Variants in KHDC4 observed in about 807,000 individuals in gnomAD.
KHDC4 encodes the protein KH domain containing 4, pre-mRNA splicing factor, also known as KH homology domain-containing protein 4.
KHDC4 carries 19 observed loss-of-function variants against 74.5 expected under a neutral mutation model. The observed-to-expected ratio is 0.26, with a 90% CI of 0.18 to 0.37. The LOEUF is 0.37. Among genes scored for constraint, KHDC4 ranks in the 10% least tolerant of loss-of-function variants. KHDC4 has a pLI of 1.00. For missense variants in KHDC4, 632 were observed against 754.1 expected (o/e 0.84, Z 1.90); for synonymous variants, 253 against 266.1 (o/e 0.95, Z 0.48).
chr1:155,934,088 C>G (rs1674201134), intron 1 of KHDC4, among the ~76,000 whole-genome samples: 1 of 152,110 alleles, frequency 6.6e-6, no homozygotes. Flanking sequence ...AGACTCCACT[C>G]TATCCTACAC....
In KHDC4 at chr1:155,927,160, T is replaced by C; in HGVS notation, c.465-4A>G. 1.2e-6 allele frequency: 2 copies of C among 1,612,760 alleles called. No homozygotes were observed. The highest frequency in any genetic ancestry group is 1.7e-6 in the Non-Finnish European group (2 of 1,178,946). ...ATGAAGATATAATGGACGATCCCTA[T>C]AAAGAGAAACAAAAAAGGATGATCT... is the stretch of plus-strand genomic sequence containing the variant. On this transcript the variant is annotated splice_polypyrimidine_tract_variant and splice_region_variant and intron_variant, in intron 4 of 13. Transcript: ENST00000368321.
chr1:155,926,576 C>T, intron 6 of KHDC4, 100 bp downstream of exon 6: 1 of 1,392,502 alleles, frequency 7.2e-7, no homozygotes, highest in Middle Eastern at 2.3e-4. Context: ...CTTGGCCTCC[C>T]AAAGTGCTGG....
chr1:155,917,449 T>C, intron 11 of KHDC4, 50 bp downstream of exon 11: 1 of 1,375,424 alleles, frequency 7.3e-7, no homozygotes, highest in South Asian at 1.2e-5. Context: ...AAAGGGAGAA[T>C]ATAGTAGAAG....
Position 155,914,034 on chromosome 1 carries a change from G to T in KHDC4, c.*87C>A. 2 of 1,184,960 alleles carry T rather than the reference G, an allele frequency of 1.7e-6. No individual in the cohort carries two copies. Among genetic ancestry groups the T allele is most frequent in the Non-Finnish European group, 2.5e-6 (2 of 797,248 alleles). The allele number at this position is 1,184,960 out of a possible 1,614,324, so 73.4% of individuals were successfully genotyped here. Reference sequence around the variant, plus strand: ...TCTGCAAAGGTCCAGATGGTTCCCAGCACAGGCCCCAGAGTCTTGTTAAAT... The same window carrying T: ...TCTGCAAAGGTCCAGATGGTTCCCATCACAGGCCCCAGAGTCTTGTTAAAT... On this transcript the variant is annotated 3_prime_UTR_variant, in exon 14 of 14. Coordinates refer to ENST00000368321, the MANE Select transcript of KHDC4 (RefSeq NM_014949.4).
Position 155,914,094 on chromosome 1 carries a change from A to C in KHDC4, c.*27T>G, listed in dbSNP as rs757742850. 2.5e-6 allele frequency: 4 copies of C among 1,581,216 alleles called. No individual in the cohort carries two copies. The East Asian group carries it at 8.9e-5, about 35-fold the overall frequency. ...GCATTATTGCTAAGAAGAGTCACTG[A>C]GGGTCAAAACTCTGTTCCACTGTTT... is the stretch of plus-strand genomic sequence containing the variant. On this transcript the variant is annotated 3_prime_UTR_variant, in exon 14 of 14. Coordinates refer to ENST00000368321, the MANE Select transcript of KHDC4 (RefSeq NM_014949.4).
chr1:155,927,001 A>G (rs2102605621), intron 5 of KHDC4, 103 bp downstream of exon 5: 1 of 1,334,692 alleles, frequency 7.5e-7, no homozygotes, highest in South Asian at 1.2e-5. Context: ...GTTCATGAAC[A>G]AGGGTTAGAA....
chr1:155,934,237 A>C, intron 1 of KHDC4, 99 bp downstream of exon 1: 1 of 1,280,714 alleles, frequency 7.8e-7, no homozygotes, highest in Non-Finnish European at 1.1e-6. Context: ...TTTACTTCCC[A>C]CTTAAGGACC....
At chr1:155,927,925 T>C (rs572609) in intron 4 of KHDC4, among the ~76,000 whole-genome samples, 121,277 of 149,134 alleles carry the variant, frequency 0.81, 51,334 homozygotes, top group East Asian at 0.94. Flanking sequence ...TCTTAAGGTC[T>C]ACATCAACTG....
At chr1:155,932,548 C>T (rs1466073812) in intron 2 of KHDC4, 1 of 152,084 alleles carries the variant, frequency 6.6e-6, no homozygotes, top group Non-Finnish European at 1.5e-5. Context: ...AAAAAAAGAG[C>T]TTAAACGATT....
chr1:155,922,769 C>T (rs1673894595), intron 8 of KHDC4, among the ~76,000 whole-genome samples: 3 of 151,988 alleles, frequency 2.0e-5, no homozygotes, highest in East Asian at 1.9e-4. Context: ...GAAAATTATC[C>T]GGTACAAGGG....
chr1:155,916,806 TA>T, intron 11 of KHDC4, 69 bp from the exon 12 acceptor site: 1 of 1,014,212 alleles, frequency 9.9e-7, no homozygotes, highest in South Asian at 1.4e-5. Context: ...CTCCTTAATG[TA>T]ACTGTCAAGT....
intron 4 of KHDC4, among the ~76,000 whole-genome samples, chr1:155,927,839 CA>C (rs1674048116): frequency 3.5e-4 from 4 of 11,516 alleles, no homozygotes; most frequent in African/African-American, 7.2e-4. Flanking sequence ...AAACCACACA[CA>C]CACACACACA....
chr1:155,927,238 T>C, intron 4 of KHDC4, 82 bp from the exon 5 acceptor site: 1 of 1,084,182 alleles, frequency 9.2e-7, no homozygotes, highest in Non-Finnish European at 1.4e-6. Flanking sequence ...ATCTAATTTG[T>C]AATGTTTCAA....
chr1:155,932,934 A>G (rs10908485), intron 2 of KHDC4, among the ~76,000 whole-genome samples: 132,556 of 152,054 alleles, frequency 0.87, 58,347 homozygotes, highest in East Asian at 1. Flanking sequence ...GTGAGACTCT[A>G]TCAAAATAAA....
At position 155,913,210 on chromosome 1, in the gene KHDC4, A is replaced by T. The variant is rs1673666454; in HGVS notation, c.*911T>A. The T allele has an allele frequency of 6.5e-6, 1 of 152,764 alleles. No individual in the cohort carries two copies. Among genetic ancestry groups the T allele is most frequent in the Non-Finnish European group, 1.5e-5 (1 of 68,048 alleles). 9.5% of individuals were successfully genotyped at this position (152,764 alleles called of 1,614,324 possible). ...CCTGGTTCAGCAGACTAGCTCCTTC[A>T]CTTTCACACATCAATATTTGATACA... On this transcript the variant is annotated 3_prime_UTR_variant, in exon 14 of 14. Transcript: ENST00000368321.
At chr1:155,927,832 C>CCACA (rs199711249) in intron 4 of KHDC4, among the ~76,000 whole-genome samples, 290 of 90,926 alleles carry the variant, frequency 3.2e-3, no homozygotes, top group African/African-American at 8.9e-3. Flanking sequence ...AAAAAAAAAA[C>CCACA]CACACACACA....
At position 155,913,925 on chromosome 1, in the gene KHDC4, C is replaced by G. The variant is rs1238810878; in HGVS notation, c.*196G>C. ...ATTTGTGATTCTAATTAAATTTTAA[C>G]AGATTCTATGCCACTGCAGAAATAA... is the stretch of plus-strand genomic sequence containing the variant. On this transcript the variant is annotated 3_prime_UTR_variant, in exon 14 of 14. Coordinates refer to ENST00000368321, the MANE Select transcript of KHDC4 (RefSeq NM_014949.4). 1 of 567,310 alleles carries G rather than the reference C, an allele frequency of 1.8e-6. No homozygotes were observed. The highest frequency in any genetic ancestry group is 3.2e-5 in the Admixed American group (1 of 31,560). 35.1% of individuals were successfully genotyped at this position (567,310 alleles called of 1,614,324 possible).
rs528081790 is a variant in KHDC4 at position 155,934,002 on chromosome 1, A to G, written c.39-153T>C. Among the ~76,000 whole-genome samples, 10 of 152,038 alleles carry G rather than the reference A, an allele frequency of 6.6e-5. No individual in the cohort carries two copies. In the East Asian group the frequency reaches 1.9e-3, roughly 29 times the overall value. On this transcript the variant is annotated intron_variant, in intron 1 of 13. Coordinates refer to ENST00000368321, the MANE Select transcript of KHDC4 (RefSeq NM_014949.4). Reference sequence around the variant, plus strand: ...TCTAAAACTCCCCTCTCCTTAAACAATTATTGCTTATTTAACAAACCCCCA... The same window carrying G: ...TCTAAAACTCCCCTCTCCTTAAACAGTTATTGCTTATTTAACAAACCCCCA...
rs528557214 is a variant in KHDC4, at chr1:155,931,723, C to T, written c.256-1883G>A. Among the ~76,000 whole-genome samples the T allele has an allele frequency of 2.6e-5, 4 of 152,324 alleles. No homozygotes were observed. In the East Asian group the frequency reaches 5.8e-4, roughly 22 times the overall value. On this transcript the variant is annotated intron_variant, in intron 2 of 13. Coordinates refer to ENST00000368321, the MANE Select transcript of KHDC4 (RefSeq NM_014949.4). ...GGACTACAGGGGCCTATCTCCCCAA[C>T]CTATGTCTAGAAAATCTGCTCAAGA...
Sources: allele counts gnomAD v4.1 joint callset (sites outside exome capture counted in the v4.1 genomes callset), GRCh38; gene constraint gnomAD v4.1.1; transcripts MANE v1.5; gene names NCBI Gene and HGNC (gene_info 2026-07-23, HGNC 2026-07-21).